Variants in LGR5 observed in about 807,000 individuals in gnomAD.
LGR5 encodes leucine-rich repeat-containing G protein-coupled receptor 5.
Under a neutral mutation model 76.7 loss-of-function variants are expected in LGR5, and 54 were observed. The ratio of observed to expected loss-of-function variants is 0.70; its 90% CI spans 0.57 to 0.88. The LOEUF (loss-of-function observed/expected upper bound fraction) is 0.88, where lower values mean the gene tolerates loss of function less well. LGR5 is among the 40% of genes least tolerant of loss of function. LGR5 has a pLI of 0.00. For missense variants in LGR5, 1,078 were observed against 1,073.3 expected (o/e 1.00, Z -0.06); for synonymous variants, 406 against 421.9 (o/e 0.96, Z 0.46).
At chr12:71,538,738 G>T (rs1876728296) in intron 4 of LGR5, among the ~76,000 whole-genome samples, 1 of 150,934 alleles carries the variant, frequency 6.6e-6, no homozygotes, top group Non-Finnish European at 1.5e-5. Flanking sequence ...CATGACTGTA[G>T]TCCCACCTAT....
chr12:71,584,673 C>T lies in LGR5; in HGVS notation c.2663C>T (p.Pro888Leu), dbSNP rs369268162. The T allele has an allele frequency of 4.2e-5, 68 of 1,613,984 alleles. No homozygotes were observed. The highest frequency in any genetic ancestry group is 5.8e-5 in the Non-Finnish European group (68 of 1,179,940). The change falls in exon 18 of 18, where the codon CCA becomes CTA. Residue 888 changes from proline to leucine, a missense_variant. Transcript: ENST00000266674. ...YDLPPSSVPS[P>L]AYPVTESCHL... Reference sequence around the variant, plus strand: ...CTGCCTCCCAGTTCCGTGCCATCACCAGCTTATCCAGTGACTGAGAGCTGC... The same window carrying T: ...CTGCCTCCCAGTTCCGTGCCATCACTAGCTTATCCAGTGACTGAGAGCTGC...
At position 71,583,823 on chromosome 12, in the gene LGR5, C is replaced by T. The variant is rs367986049; in HGVS notation, c.1813C>T (p.Leu605Phe). Residue 605 changes from leucine to phenylalanine, a missense_variant, in exon 18 of 18, where the codon CTC (leucine) becomes TTC (phenylalanine). Physicochemically the swap from Leu to Phe is conservative, Grantham distance 22. Coordinates refer to ENST00000266674, the MANE Select transcript of LGR5 (RefSeq NM_003667.4). ...TGGGGTCATCGCAGCAGTGAACATG[C>T]TCACGGGAGTCTCCAGTGCCGTGCT... ...LIGVIAAVNMLTGVSSAVLAG... is the reference protein window; with the variant it reads ...LIGVIAAVNMFTGVSSAVLAG... 8 of 1,614,042 alleles carry T rather than the reference C, an allele frequency of 5.0e-6. No individual in the cohort carries two copies. In the African/African-American group the frequency reaches 1.1e-4, roughly 22 times the overall value.
intron 13 of LGR5, among the ~76,000 whole-genome samples, chr12:71,577,491 CAT>C (rs1878908546): frequency 6.6e-6 from 1 of 152,150 alleles, no homozygotes; most frequent in Non-Finnish European, 1.5e-5. Flanking sequence ...CAAGGCCTAA[CAT>C]ATATGAGTGA....
intron 1 of LGR5, among the ~76,000 whole-genome samples, chr12:71,489,879 A>C (rs1386869732): frequency 1.3e-5 from 2 of 151,436 alleles, no homozygotes; most frequent in Non-Finnish European, 2.9e-5. Context: ...CCTGGGCAAC[A>C]TAGTGAGAAG....
chr12:71,536,859 C>G (rs145104747), intron 4 of LGR5, among the ~76,000 whole-genome samples: 2 of 152,176 alleles, frequency 1.3e-5, no homozygotes, highest in Non-Finnish European at 2.9e-5. Context: ...TCACTGTTCA[C>G]CAGGTGTCTC....
In LGR5 at chr12:71,566,620, T is replaced by C; in HGVS notation, c.930-12T>C. 1 of 1,606,578 alleles carries C rather than the reference T, an allele frequency of 6.2e-7. No individual in the cohort carries two copies. Among genetic ancestry groups the C allele is most frequent in the Non-Finnish European group, 8.5e-7 (1 of 1,173,360 alleles). ...TCTTCTACCAGTAATACTTATATACTCCTCTTTCTAGGACTCTGAATGGTG... is the reference window on the plus strand; with the variant it reads ...TCTTCTACCAGTAATACTTATATACCCCTCTTTCTAGGACTCTGAATGGTG... On this transcript the variant is annotated splice_polypyrimidine_tract_variant and intron_variant, in intron 9 of 17. Transcript: ENST00000266674.
chr12:71,486,992 C>T (rs1592482190), intron 1 of LGR5, among the ~76,000 whole-genome samples: 1 of 152,090 alleles, frequency 6.6e-6, no homozygotes, highest in Admixed American at 6.5e-5. Context: ...CTGGTCATTT[C>T]GGGTAAGAGA....
At chr12:71,524,210 C>CT (rs1875866823) in intron 2 of LGR5, among the ~76,000 whole-genome samples, 196 bp from the exon 3 acceptor site, 1 of 152,108 alleles carries the variant, frequency 6.6e-6, no homozygotes, top group African/African-American at 2.4e-5. Flanking sequence ...TATTACATTT[C>CT]TTTTTAGGCA....
intron 13 of LGR5, among the ~76,000 whole-genome samples, chr12:71,576,053 A>C (rs1346787470): frequency 6.6e-6 from 1 of 152,138 alleles, no homozygotes; most frequent in East Asian, 1.9e-4. Context: ...ACACATGGAC[A>C]CAGGGAGAGA....
At chr12:71,546,252 T>A (rs1592531725) in intron 4 of LGR5, among the ~76,000 whole-genome samples, 1 of 151,382 alleles carries the variant, frequency 6.6e-6, no homozygotes. Flanking sequence ...GAGGTGGAGG[T>A]TGCAGTGAGC....
chr12:71,496,370 C>CAAAAAAAA (rs67593850), intron 1 of LGR5, among the ~76,000 whole-genome samples: 6 of 99,554 alleles, frequency 6.0e-5, no homozygotes, highest in African/African-American at 2.6e-4. Flanking sequence ...TCCATCTCAA[C>CAAAAAAAA]AAAAAAAAAA....
In LGR5 at chr12:71,556,794, C is replaced by G; in HGVS notation, c.716+104C>G. On this transcript the variant is annotated intron_variant, in intron 6 of 17. Coordinates refer to ENST00000266674, the MANE Select transcript of LGR5 (RefSeq NM_003667.4). ...AGACTTTGTTTGGTTTGGTTAATTG[C>G]CTAAGCTTTCAACAGATATTTACAG... The G allele has an allele frequency of 2.3e-6, 2 of 858,732 alleles. 1 individual carries two copies. The highest frequency in any genetic ancestry group is 2.8e-5 in the South Asian group (2 of 71,054). 53.2% of individuals were successfully genotyped at this position (858,732 alleles called of 1,614,324 possible).
intron 3 of LGR5, among the ~76,000 whole-genome samples, chr12:71,524,964 GTTGT>G (rs1350197338): frequency 2.0e-5 from 3 of 152,116 alleles, no homozygotes; most frequent in Admixed American, 6.6e-5. Context: ...ACACTGAACA[GTTGT>G]TTATTTGTTA....
chr12:71,465,829 A>G (rs1208138878), intron 1 of LGR5, among the ~76,000 whole-genome samples: 1 of 152,224 alleles, frequency 6.6e-6, no homozygotes, highest in East Asian at 1.9e-4. Context: ...GAAATTATCA[A>G]ATGGCCACTT....
chr12:71,493,603 G>T (rs1874175517), intron 1 of LGR5, among the ~76,000 whole-genome samples: 1 of 151,178 alleles, frequency 6.6e-6, no homozygotes, highest in African/African-American at 2.5e-5. Context: ...AGTAGGCTTA[G>T]GAGAAAGAGA....
intron 1 of LGR5, among the ~76,000 whole-genome samples, chr12:71,473,318 C>G (rs904756879): frequency 6.6e-6 from 1 of 152,012 alleles, no homozygotes; most frequent in Admixed American, 6.6e-5. Flanking sequence ...TATAAATTAT[C>G]ATCTTTTCAA....
intron 6 of LGR5, among the ~76,000 whole-genome samples, chr12:71,557,700 T>C (rs894400219): frequency 6.6e-6 from 1 of 152,138 alleles, no homozygotes; most frequent in Non-Finnish European, 1.5e-5. Context: ...CTGCTCTTCA[T>C]TGCCCTGTTG....
chr12:71,582,611 G>A, intron 17 of LGR5, 72 bp downstream of exon 17: 1 of 1,204,376 alleles, frequency 8.3e-7, no homozygotes, highest in Non-Finnish European at 1.2e-6. Context: ...AAACAATACA[G>A]CTATACTTTA....
chr12:71,484,736 C>T (rs181758626), intron 1 of LGR5, among the ~76,000 whole-genome samples: 3 of 152,148 alleles, frequency 2.0e-5, no homozygotes, highest in Non-Finnish European at 4.4e-5. Flanking sequence ...ACGGTTCCTA[C>T]GAAAGTGACC....
Sources: gnomAD v4.1 joint callset for allele counts (sites outside exome capture counted in the v4.1 genomes callset) on GRCh38, gnomAD v4.1.1 for gene constraint, MANE v1.5 for transcripts, NCBI Gene and HGNC (gene_info 2026-07-23, HGNC 2026-07-21) for gene names.